CCDC91: variants seen among roughly 807,000 people sequenced by gnomAD.
The protein encoded by CCDC91 is coiled-coil domain containing 91.
A neutral mutation model predicts 63.2 loss-of-function variants in CCDC91; 48 were observed. The observed-to-expected ratio is 0.76, with a 90% CI of 0.60 to 0.97. CCDC91 has a LOEUF of 0.97. CCDC91 is among the 50% of genes least tolerant of loss of function. The pLI, the probability that CCDC91 is intolerant of heterozygous loss-of-function variation, is 0.00. For synonymous variants in CCDC91, 167 were observed against 165.8 expected (o/e 1.01, Z -0.06); for missense variants, 500 against 494.6 (o/e 1.01, Z -0.10).
At chr12:28,337,020 A>T (rs1344408744) in intron 6 of CCDC91, among the ~76,000 whole-genome samples, 1 of 152,122 alleles carries the variant, frequency 6.6e-6, no homozygotes, top group Non-Finnish European at 1.5e-5. Flanking sequence ...CATCCTGATG[A>T]TATGCAAAAT....
intron 12 of CCDC91, among the ~76,000 whole-genome samples, chr12:28,501,270 T>TC (rs775936232): frequency 4.6e-5 from 7 of 151,964 alleles, no homozygotes; most frequent in Non-Finnish European, 7.4e-5. Context: ...AGAGAGGGCA[T>TC]CCATGTCTTG....
intron 3 of CCDC91, among the ~76,000 whole-genome samples, chr12:28,288,595 C>G (rs1949042708): frequency 6.6e-6 from 1 of 151,122 alleles, no homozygotes; most frequent in Non-Finnish European, 1.5e-5. Flanking sequence ...TGGTTTGCCA[C>G]AAGTGTTTTT....
intron 1 of CCDC91, among the ~76,000 whole-genome samples, chr12:28,243,254 C>T (rs1945466787): frequency 1.3e-5 from 2 of 152,078 alleles, no homozygotes; most frequent in Non-Finnish European, 2.9e-5. Flanking sequence ...ATCCAGCTGT[C>T]CCATAGGGAA....
chr12:28,514,181 G>C (rs1445264351), intron 12 of CCDC91, among the ~76,000 whole-genome samples: 2 of 151,890 alleles, frequency 1.3e-5, no homozygotes, highest in Non-Finnish European at 2.9e-5. Flanking sequence ...GTATCTCATT[G>C]TGGTTTTGAT....
intron 8 of CCDC91, among the ~76,000 whole-genome samples, chr12:28,440,587 G>C (rs1265513507): frequency 1.3e-5 from 2 of 152,168 alleles, no homozygotes; most frequent in African/African-American, 4.8e-5. Flanking sequence ...GGGTTTATCT[G>C]ATTGAAAACT....
chr12:28,202,413 G>T (rs1025577413), intron 1 of CCDC91, among the ~76,000 whole-genome samples: 1 of 152,134 alleles, frequency 6.6e-6, no homozygotes, highest in East Asian at 1.9e-4. Flanking sequence ...CCTTCTCAGG[G>T]TTTCTTCTTG....
At chr12:28,391,708 A>C (rs755377840) in intron 8 of CCDC91, among the ~76,000 whole-genome samples, 1 of 152,194 alleles carries the variant, frequency 6.6e-6, no homozygotes, top group Non-Finnish European at 1.5e-5. Context: ...ATGGCGAGTA[A>C]ATGATTTTTA....
intron 3 of CCDC91, among the ~76,000 whole-genome samples, chr12:28,296,795 A>G (rs1191191620): frequency 6.6e-6 from 1 of 151,876 alleles, no homozygotes; most frequent in South Asian, 2.1e-4. Context: ...ACATCTTCAT[A>G]TTTAGATATG....
At chr12:28,487,657 T>C (rs181286301) in intron 12 of CCDC91, among the ~76,000 whole-genome samples, 1 of 151,840 alleles carries the variant, frequency 6.6e-6, no homozygotes. Context: ...AGGTTTTTTT[T>C]TTTAAACTAA....
intron 6 of CCDC91, among the ~76,000 whole-genome samples, chr12:28,350,286 A>G (rs1466655638): frequency 5.9e-5 from 9 of 152,194 alleles, no homozygotes; most frequent in Non-Finnish European, 1.5e-5. Context: ...TATTATTGCT[A>G]TTAATTTTTA....
At chr12:28,510,950 C>A (rs1196162230) in intron 12 of CCDC91, among the ~76,000 whole-genome samples, 4 of 151,818 alleles carry the variant, frequency 2.6e-5, no homozygotes, top group African/African-American at 9.7e-5. Context: ...TTTCTTTTCT[C>A]AATAAATGGC....
chr12:28,538,227 T>G (rs11833260), intron 12 of CCDC91, among the ~76,000 whole-genome samples: 2 of 148,564 alleles, frequency 1.3e-5, no homozygotes, highest in East Asian at 2.0e-4. Context: ...TTTAACATTA[T>G]GTATATCTCC....
chr12:28,417,641 AC>A (rs72308728), intron 8 of CCDC91, among the ~76,000 whole-genome samples: 29,030 of 98,610 alleles, frequency 0.29, 3,589 homozygotes, highest in Non-Finnish European at 0.41. Context: ...ATATATATAT[AC>A]ACACACACAC....
At chr12:28,364,486 GT>G (rs749893295) in intron 7 of CCDC91, among the ~76,000 whole-genome samples, 2 of 152,164 alleles carry the variant, frequency 1.3e-5, no homozygotes, top group Non-Finnish European at 2.9e-5. Flanking sequence ...ATGTAAACCA[GT>G]TTTACAGTTA....
At chr12:28,384,709 G>A (rs1945493657) in intron 7 of CCDC91, among the ~76,000 whole-genome samples, 1 of 151,976 alleles carries the variant, frequency 6.6e-6, no homozygotes, top group Non-Finnish European at 1.5e-5. Flanking sequence ...GAAACAAATG[G>A]TTAAAACTGA....
At chr12:28,435,466 G>A (rs1042424443) in intron 8 of CCDC91, among the ~76,000 whole-genome samples, 2 of 151,664 alleles carry the variant, frequency 1.3e-5, no homozygotes, top group Admixed American at 6.6e-5. Context: ...CTTTATGGTG[G>A]GAGAGTGAGT....
intron 12 of CCDC91, among the ~76,000 whole-genome samples, chr12:28,539,755 G>A (rs936427125): frequency 6.6e-6 from 1 of 152,108 alleles, no homozygotes; most frequent in Non-Finnish European, 1.5e-5. Flanking sequence ...GTGATTTTAA[G>A]AGTACCGACA....
In CCDC91 at chr12:28,250,258, A is replaced by G. The variant is rs573254508; in HGVS notation, c.-14-6944A>G. Among the ~76,000 whole-genome samples, 4 of 152,310 alleles carry G rather than the reference A, an allele frequency of 2.6e-5. No homozygotes were observed. In the South Asian group the frequency reaches 8.3e-4, roughly 32 times the overall value. The stretch of plus-strand genomic sequence containing the variant: ...TAAAGACAGACTTAATTGATAACAG[A>G]TGAAAATTATAAAGGAAAATTTAGT... On this transcript the variant is annotated intron_variant, in intron 1 of 12. Transcript: ENST00000536442.
intron 1 of CCDC91, among the ~76,000 whole-genome samples, chr12:28,252,840 A>G (rs1223411163): frequency 6.6e-6 from 1 of 152,198 alleles, no homozygotes; most frequent in Non-Finnish European, 1.5e-5. Flanking sequence ...GCACTAATAA[A>G]GTAGCAAACA....
Sources: gnomAD v4.1 joint callset for allele counts (sites outside exome capture counted in the v4.1 genomes callset) on GRCh38, gnomAD v4.1.1 for gene constraint, MANE v1.5 for transcripts, NCBI Gene and HGNC (gene_info 2026-07-23, HGNC 2026-07-21) for gene names.